VPS13C: variants seen among roughly 807,000 people sequenced by gnomAD.
VPS13C encodes vacuolar protein sorting 13 homolog C, also known as intermembrane lipid transfer protein VPS13C.
VPS13C carries 358 observed loss-of-function variants against 456.8 expected under a neutral mutation model. The observed-to-expected ratio is 0.78, with a 90% CI of 0.72 to 0.86. The LOEUF (loss-of-function observed/expected upper bound fraction) is 0.86, where lower values mean the gene tolerates loss of function less well. VPS13C is among the 40% of genes least tolerant of loss of function. The pLI is 0.00. For synonymous variants in VPS13C, 1,578 were observed against 1,486.7 expected (o/e 1.06, Z -1.41); for missense variants, 4,818 against 4,385.4 (o/e 1.10, Z -2.79).
chr15:61,881,068 A>T, intron 71 of VPS13C, 114 bp from the exon 72 acceptor site: 1 of 800,766 alleles, frequency 1.2e-6, no homozygotes, highest in Non-Finnish European at 1.9e-6. Flanking sequence ...TTCATCTCCT[A>T]AAAATTATGT....
rs965955016 is a variant in VPS13C at position 62,010,536 on chromosome 15, T to C, written c.947A>G (p.Lys316Arg). The change falls in exon 13 of 85, where the codon AAA becomes AGA. Residue 316 changes from lysine (K) to arginine (R), a missense_variant. Transcript: ENST00000644861. The part of the protein sequence containing the change: ...YMNPYAESEL[K>R]TPKLDCNIEI... Reference sequence around the variant, plus strand: ...TATGTTGCAATCCAGTTTGGGCGTTTTGAGCTCTGATTCTGCATAAGGATT... The same window carrying C: ...TATGTTGCAATCCAGTTTGGGCGTTCTGAGCTCTGATTCTGCATAAGGATT... 77 of 1,613,472 alleles carry C rather than the reference T, an allele frequency of 4.8e-5. No homozygotes were observed. Among genetic ancestry groups the C allele is most frequent in the Non-Finnish European group, 6.1e-5 (72 of 1,179,782 alleles).
chr15:61,919,756 T>A (rs2043588666), intron 57 of VPS13C, among the ~76,000 whole-genome samples: 1 of 150,072 alleles, frequency 6.7e-6, no homozygotes, highest in African/African-American at 2.4e-5. Context: ...GACTTCTGAA[T>A]ATAGCTATTT....
At chr15:61,988,509 G>C (rs936885675) in intron 18 of VPS13C, among the ~76,000 whole-genome samples, 3 of 152,236 alleles carry the variant, frequency 2.0e-5, no homozygotes, top group African/African-American at 7.2e-5. Flanking sequence ...ATACTATAAA[G>C]ACATAAATTC....
chr15:61,906,555 G>T (rs867267464), intron 66 of VPS13C: 29 of 152,472 alleles, frequency 1.9e-4, no homozygotes, highest in Admixed American at 6.5e-4. Context: ...GTAACTACTG[G>T]CCAATTACCA....
intron 79 of VPS13C, 77 bp downstream of exon 79, chr15:61,871,912 A>G: frequency 7.8e-7 from 1 of 1,280,370 alleles, no homozygotes; most frequent in Non-Finnish European, 1.1e-6. Flanking sequence ...AGTATATAGC[A>G]GCAATAACAT....
In VPS13C at chr15:61,870,068, T is replaced by C. The variant is rs549019011; in HGVS notation, c.10625-445A>G. Among the ~76,000 whole-genome samples the C allele has an allele frequency of 2.0e-5, 3 of 152,308 alleles. No homozygotes were observed. The East Asian group carries it at 5.8e-4, about 29-fold the overall frequency. On this transcript the variant is annotated intron_variant, in intron 79 of 84. Transcript: ENST00000644861. ...ATATAACAACTTTATTGAAATGCAA[T>C]TCATATACCATAAAATTTACCATTT...
chr15:61,890,113 G>T, intron 67 of VPS13C, 52 bp downstream of exon 67: 2 of 1,553,460 alleles, frequency 1.3e-6, no homozygotes, highest in Non-Finnish European at 8.8e-7. Flanking sequence ...CGGCTATTAT[G>T]AACTTAATGC....
chr15:61,886,188 G>C (rs1896256821), intron 67 of VPS13C, among the ~76,000 whole-genome samples: 1 of 152,078 alleles, frequency 6.6e-6, no homozygotes, highest in South Asian at 2.1e-4. Flanking sequence ...AACTTACTTT[G>C]CTTACAGCCT....
rs145326165 is a variant in VPS13C at position 61,961,554 on chromosome 15, T to C, written c.3908+35A>G. 2.1e-4 allele frequency: 274 copies of C among 1,293,570 alleles called. 2 individuals carry two copies. The East Asian group carries it at 5.3e-3, about 25-fold the overall frequency. The allele number at this position is 1,293,570 out of a possible 1,614,324, so 80.1% of individuals were successfully genotyped here. ...TAAAATTTCATGGAAATCATGAATA[T>C]AATATTTAAATCCATAATTATTGAA... On this transcript the variant is annotated intron_variant, in intron 35 of 84. Transcript: ENST00000644861.
chr15:62,011,239 G>A (rs2047028142), intron 12 of VPS13C, among the ~76,000 whole-genome samples: 1 of 151,958 alleles, frequency 6.6e-6, no homozygotes, highest in African/African-American at 2.4e-5. Context: ...GATATCTCAT[G>A]GTAATTACAA....
At chr15:61,917,278 TA>T in intron 60 of VPS13C, 62 bp downstream of exon 60, 1 of 1,528,922 alleles carries the variant, frequency 6.5e-7, no homozygotes, top group South Asian at 1.3e-5. Flanking sequence ...AAAAATACCA[TA>T]AAACAAAATC....
chr15:61,923,444 A>C (rs1473941723), intron 53 of VPS13C, among the ~76,000 whole-genome samples: 2 of 152,140 alleles, frequency 1.3e-5, no homozygotes, highest in African/African-American at 4.8e-5. Context: ...TGCCACCAGC[A>C]TAATTTTTCT....
chr15:62,020,119 C>T (rs1273722600), intron 9 of VPS13C, among the ~76,000 whole-genome samples: 1 of 151,470 alleles, frequency 6.6e-6, no homozygotes, highest in Non-Finnish European at 1.5e-5. Context: ...CATACATAAA[C>T]ATATGCATAT....
intron 16 of VPS13C, among the ~76,000 whole-genome samples, chr15:61,999,186 C>T (rs1172138047): frequency 2.0e-5 from 3 of 152,106 alleles, no homozygotes; most frequent in Non-Finnish European, 4.4e-5. Flanking sequence ...CGAGACCAGC[C>T]TGGCCAATGT....
chr15:62,047,595 T>A (rs545233806), intron 1 of VPS13C, among the ~76,000 whole-genome samples: 1 of 152,328 alleles, frequency 6.6e-6, no homozygotes, highest in African/African-American at 2.4e-5. Flanking sequence ...GGAGGAGCTC[T>A]AGTTCTAATA....
rs142572498 is a variant in VPS13C, at chr15:61,882,609, A to G, written c.9611T>C (p.Leu3204Ser). ...TGACAATGTTACCTGAAGCCAGTAC[A>G]ACCTGGCCCTTAAACTTCTCTGGTG... is the stretch of plus-strand genomic sequence containing the variant. ...SSHQRSLRAR[L>S]YWLQVDNQLP... The change falls in exon 69 of 85, where the codon TTG (leucine) becomes TCG (serine). Residue 3204 changes from leucine to serine, a missense_variant. By Grantham distance (145) the Leu-to-Ser change is moderately radical. Transcript: ENST00000644861. 326 of 1,558,182 alleles carry G rather than the reference A, an allele frequency of 2.1e-4. No individual in the cohort carries two copies. Among genetic ancestry groups the G allele is most frequent in the Non-Finnish European group, 2.7e-4 (314 of 1,155,800 alleles).
At chr15:62,043,371 C>G (rs2048301617) in intron 2 of VPS13C, among the ~76,000 whole-genome samples, 1 of 152,176 alleles carries the variant, frequency 6.6e-6, no homozygotes. Flanking sequence ...TTTGGGAGGC[C>G]AAGGCAGGCA....
chr15:62,022,510 GTT>G (rs1283341992), intron 8 of VPS13C, among the ~76,000 whole-genome samples: 1 of 151,740 alleles, frequency 6.6e-6, no homozygotes, highest in Non-Finnish European at 1.5e-5. Flanking sequence ...TATGAGTGAG[GTT>G]TTTTTAAGAC....
intron 27 of VPS13C, among the ~76,000 whole-genome samples, chr15:61,971,160 C>T (rs1411443794): frequency 3.3e-5 from 5 of 152,126 alleles, no homozygotes; most frequent in African/African-American, 1.2e-4. Context: ...GCCTTGTAGG[C>T]CATGGAAAGG....
Sources: allele counts gnomAD v4.1 joint callset (sites outside exome capture counted in the v4.1 genomes callset), GRCh38; gene constraint gnomAD v4.1.1; transcripts MANE v1.5; gene names NCBI Gene and HGNC (gene_info 2026-07-23, HGNC 2026-07-21).